PTPRJ: variants seen among roughly 807,000 people sequenced by gnomAD.
The protein encoded by PTPRJ is protein tyrosine phosphatase receptor type J, also known as receptor-type tyrosine-protein phosphatase eta.
In PTPRJ, 129 loss-of-function variants were observed where a neutral mutation model predicts 141.3. That is an observed-to-expected ratio of 0.91 (90% CI 0.79 to 1.06). The LOEUF is 1.06. PTPRJ is among the 50% of genes least tolerant of loss of function. PTPRJ has a pLI of 0.00. For missense variants in PTPRJ, 1,601 were observed against 1,679.7 expected, an observed-to-expected ratio of 0.95 and a Z score of 0.82; for synonymous variants, 610 against 640.5, an observed-to-expected ratio of 0.95 and a Z score of 0.72.
At chr11:48,067,020 T>C (rs546556420) in intron 1 of PTPRJ, among the ~76,000 whole-genome samples, 8 of 152,164 alleles carry the variant, frequency 5.3e-5, no homozygotes, top group Non-Finnish European at 1.2e-4. Flanking sequence ...AAAAGGGAAT[T>C]AACTTTGGAC....
chr11:48,034,465 T>C (rs1167349684), intron 1 of PTPRJ, among the ~76,000 whole-genome samples: 1 of 152,194 alleles, frequency 6.6e-6, no homozygotes, highest in African/African-American at 2.4e-5. Context: ...TAGGAACTGT[T>C]GCTTTGATTG....
chr11:48,142,934 A>G lies in PTPRJ; in HGVS notation c.2459A>G (p.Asp820Gly), dbSNP rs1439037400. 11 of 1,613,928 alleles carry G rather than the reference A, an allele frequency of 6.8e-6. No homozygotes were observed. The highest frequency in any genetic ancestry group is 9.3e-6 in the Non-Finnish European group (11 of 1,179,888). Residue 820 changes from aspartate to glycine, a missense_variant, in exon 12 of 25, where the codon GAT (aspartate) becomes GGT (glycine). Transcript: ENST00000418331. ...TTTGTTTTAGATCCCCCTCCTCCAG[A>G]TGGATCCCCTAATATTACATCTGTC... ...TTGITDPPPP[D>G]GSPNITSVSH...
intron 8 of PTPRJ, 42 bp from the exon 9 acceptor site, chr11:48,135,997 G>A (rs1350495650): frequency 6.3e-7 from 1 of 1,593,632 alleles, no homozygotes; most frequent in Non-Finnish European, 8.6e-7. Context: ...TGGGCGTCAT[G>A]ATAGTAACAG....
At chr11:48,087,790 G>T (rs1855755041) in intron 1 of PTPRJ, among the ~76,000 whole-genome samples, 1 of 152,206 alleles carries the variant, frequency 6.6e-6, no homozygotes, top group Non-Finnish European at 1.5e-5. Flanking sequence ...TTCACGGGAG[G>T]ATTTAATAAG....
chr11:47,994,540 T>C (rs1466540740), intron 1 of PTPRJ, among the ~76,000 whole-genome samples: 1 of 151,906 alleles, frequency 6.6e-6, no homozygotes, highest in African/African-American at 2.4e-5. Flanking sequence ...CCCAGCTGTT[T>C]GGGAGGCTGA....
chr11:47,987,549 G>A (rs1854082601), intron 1 of PTPRJ, among the ~76,000 whole-genome samples: 1 of 152,216 alleles, frequency 6.6e-6, no homozygotes, highest in Non-Finnish European at 1.5e-5. Flanking sequence ...CAGTTGTGAT[G>A]TAGGATGTGA....
intron 18 of PTPRJ, among the ~76,000 whole-genome samples, chr11:48,152,585 G>A (rs1007308314): frequency 1.3e-5 from 2 of 152,144 alleles, no homozygotes; most frequent in African/African-American, 2.4e-5. Context: ...TTTTAGGTCT[G>A]ACATTTAAGT....
rs894131393 is a variant in PTPRJ, at chr11:48,159,613, A to G, written c.3439-317A>G. 3.3e-5 allele frequency among the ~76,000 whole-genome samples: 5 copies of G among 152,300 alleles called. No homozygotes were observed. The South Asian group carries it at 1.0e-3, about 32-fold the overall frequency. Reference sequence around the variant, plus strand: ...ATTAAAAAAAGAAAAAACAATTCCAACAGGTGCTGTGGTGTGCCCATAGAC... The same window carrying G: ...ATTAAAAAAAGAAAAAACAATTCCAGCAGGTGCTGTGGTGTGCCCATAGAC... On this transcript the variant is annotated intron_variant, in intron 21 of 24. Transcript: ENST00000418331.
chr11:47,985,671 CATTTATT>C (rs1854030687), intron 1 of PTPRJ, among the ~76,000 whole-genome samples: 1 of 135,980 alleles, frequency 7.4e-6, no homozygotes, highest in Non-Finnish European at 1.6e-5. Flanking sequence ...AGGTGGCAGA[CATTTATT>C]TATTTATTTA....
At chr11:48,151,943 A>G (rs945021143) in intron 18 of PTPRJ, among the ~76,000 whole-genome samples, 22 of 152,192 alleles carry the variant, frequency 1.4e-4, no homozygotes, top group African/African-American at 5.3e-4. Context: ...ATGATTTATA[A>G]TCCTTTGGGT....
chr11:48,138,985 C>T (rs916508451), intron 10 of PTPRJ, among the ~76,000 whole-genome samples: 7 of 152,096 alleles, frequency 4.6e-5, no homozygotes, highest in African/African-American at 1.7e-4. Flanking sequence ...ATACAAAAAT[C>T]AACTGGGTAT....
At chr11:48,076,675 T>C (rs944062541) in intron 1 of PTPRJ, among the ~76,000 whole-genome samples, 2 of 152,080 alleles carry the variant, frequency 1.3e-5, no homozygotes, top group South Asian at 4.1e-4. Context: ...GGCGGTTGCA[T>C]TTAAGATTTT....
rs146536356 is a variant in PTPRJ, at chr11:48,130,637, A to T, written c.1536A>T (p.Gly512=). The T allele has an allele frequency of 3.1e-5, 50 of 1,614,050 alleles. No homozygotes were observed. The East Asian group carries it at 9.8e-4, about 32-fold the overall frequency. The change falls in exon 8 of 25, where the codon GGA becomes GGT. Residue 512 remains glycine, a synonymous_variant. Coordinates refer to ENST00000418331, the MANE Select transcript of PTPRJ (RefSeq NM_002843.4). The part of the protein sequence containing the change: ...QSIIIGGLFP[G]TKYCFEIVPK... ...TTATCATTGGTGGCTTGTTCCCTGG[A>T]ACCAAGTATTGCTTTGAAATAGTTC...
intron 1 of PTPRJ, among the ~76,000 whole-genome samples, chr11:47,993,110 C>T (rs554180746): frequency 1.3e-5 from 2 of 152,200 alleles, no homozygotes; most frequent in African/African-American, 4.8e-5. Context: ...ACCAAATTGT[C>T]GAGAGGCACT....
chr11:47,983,366 T>G (rs967397062), intron 1 of PTPRJ, among the ~76,000 whole-genome samples: 2 of 152,238 alleles, frequency 1.3e-5, no homozygotes, highest in African/African-American at 4.8e-5. Flanking sequence ...ACTGGTTTTT[T>G]GAGGCCTGGA....
intron 24 of PTPRJ, among the ~76,000 whole-genome samples, chr11:48,165,750 C>G (rs1388280961): frequency 6.6e-6 from 1 of 152,058 alleles, no homozygotes; most frequent in Admixed American, 6.6e-5. Context: ...ATCTTTTATC[C>G]TTTTTTGAGA....
At chr11:48,051,051 A>G (rs1298253300) in intron 1 of PTPRJ, among the ~76,000 whole-genome samples, 1 of 128,208 alleles carries the variant, frequency 7.8e-6, no homozygotes, top group African/African-American at 3.0e-5. Context: ...CTAATATAGT[A>G]CTTTTCAGAG....
rs372135649 is a variant in PTPRJ, at chr11:48,008,305, G to T, written c.96+27297G>T. On this transcript the variant is annotated intron_variant, in intron 1 of 24. Coordinates refer to ENST00000418331, the MANE Select transcript of PTPRJ (RefSeq NM_002843.4). Reference sequence around the variant, plus strand: ...AGACGGAGTCTCGCTCTGTGGCCCAGGCTGGAGTGCAGTGGCGTGATCTTG... The same window carrying T: ...AGACGGAGTCTCGCTCTGTGGCCCATGCTGGAGTGCAGTGGCGTGATCTTG... Among the ~76,000 whole-genome samples, 5 of 152,348 alleles carry T rather than the reference G, an allele frequency of 3.3e-5. No homozygotes were observed. In the East Asian group the frequency reaches 9.6e-4, roughly 29 times the overall value.
At chr11:48,021,419 A>ATAAG (rs1344072239) in intron 1 of PTPRJ, among the ~76,000 whole-genome samples, 1 of 99,038 alleles carries the variant, frequency 1.0e-5, no homozygotes, top group Non-Finnish European at 1.8e-5. Flanking sequence ...AAATAAATAA[A>ATAAG]TAAAATAAAA....
Sources: gnomAD v4.1 joint callset for allele counts (sites outside exome capture counted in the v4.1 genomes callset) on GRCh38, gnomAD v4.1.1 for gene constraint, MANE v1.5 for transcripts, NCBI Gene and HGNC (gene_info 2026-07-23, HGNC 2026-07-21) for gene names.